ARHGAP42: variants seen among roughly 807,000 people sequenced by gnomAD.
The protein encoded by ARHGAP42 is Rho GTPase activating protein 42, also known as rho GTPase-activating protein 42.
ARHGAP42 carries 63 observed loss-of-function variants against 125.0 expected under a neutral mutation model. The observed-to-expected ratio is 0.50, with a 90% CI of 0.41 to 0.62. The LOEUF (loss-of-function observed/expected upper bound fraction) is 0.62, where lower values mean the gene tolerates loss of function less well. Ranked by LOEUF, ARHGAP42 falls within the 20% of genes least tolerant of loss-of-function variation. The pLI, the probability that ARHGAP42 is intolerant of heterozygous loss-of-function variation, is 0.00. For synonymous variants in ARHGAP42, 339 were observed against 351.0 expected, an observed-to-expected ratio of 0.97 and a Z score of 0.38; for missense variants, 766 against 1,024.2, an observed-to-expected ratio of 0.75 and a Z score of 3.44.
intron 4 of ARHGAP42, among the ~76,000 whole-genome samples, chr11:100,870,864 A>G (rs1865678559): frequency 1.3e-5 from 2 of 152,002 alleles, no homozygotes; most frequent in Admixed American, 1.3e-4. Flanking sequence ...TCTATGTTTA[A>G]TTTTATTCTG....
intron 1 of ARHGAP42, among the ~76,000 whole-genome samples, chr11:100,754,417 A>C (rs1390748798): frequency 6.6e-6 from 1 of 152,222 alleles, no homozygotes; most frequent in African/African-American, 2.4e-5. Flanking sequence ...GATTCTCAGA[A>C]ACCAACTGGT....
chr11:100,794,075 C>CAAAAAAAAAAA (rs869272420), intron 2 of ARHGAP42, among the ~76,000 whole-genome samples: 15 of 44,846 alleles, frequency 3.3e-4, no homozygotes, highest in East Asian at 1.4e-3. Context: ...GACCCTGTCT[C>CAAAAAAAAAAA]AAAAAAAAAA....
At chr11:100,867,109 A>G (rs753039381) in intron 4 of ARHGAP42, among the ~76,000 whole-genome samples, 1 of 152,228 alleles carries the variant, frequency 6.6e-6, no homozygotes, top group Non-Finnish European at 1.5e-5. Flanking sequence ...TAACCTTTCT[A>G]GAGCACAGGC....
intron 4 of ARHGAP42, among the ~76,000 whole-genome samples, chr11:100,883,553 G>T (rs1397392074): frequency 1.3e-5 from 2 of 152,020 alleles, no homozygotes; most frequent in African/African-American, 4.8e-5. Context: ...ATTTTGGCCA[G>T]GCTGATCGTG....
chr11:100,751,367 C>G (rs1862452756), intron 1 of ARHGAP42, among the ~76,000 whole-genome samples: 1 of 150,338 alleles, frequency 6.7e-6, no homozygotes, highest in African/African-American at 2.5e-5. Flanking sequence ...TGTGCAGCCT[C>G]CACCTCCTGG....
rs973326912 is a variant in ARHGAP42 at position 100,917,092 on chromosome 11, C to T, written c.486+3539C>T. On this transcript the variant is annotated intron_variant, in intron 5 of 23. Coordinates refer to ENST00000298815, the MANE Select transcript of ARHGAP42 (RefSeq NM_152432.4). ...TTAAACAGTGGGATTGCAATTCTTA[C>T]TATCTTCACATTTCTCTGTCATAGT... is the stretch of plus-strand genomic sequence containing the variant. Among the ~76,000 whole-genome samples the T allele has an allele frequency of 2.6e-5, 4 of 151,130 alleles. No homozygotes were observed. The East Asian group carries it at 5.8e-4, about 22-fold the overall frequency.
chr11:100,966,483 A>G (rs576541615), intron 17 of ARHGAP42, among the ~76,000 whole-genome samples: 3 of 152,288 alleles, frequency 2.0e-5, no homozygotes, highest in South Asian at 4.1e-4. Context: ...ATCTTGAGAC[A>G]GAATTCCTTC....
At chr11:100,751,681 C>T (rs1489127985) in intron 1 of ARHGAP42, among the ~76,000 whole-genome samples, 3 of 151,418 alleles carry the variant, frequency 2.0e-5, no homozygotes. Flanking sequence ...GGGGGAGCCA[C>T]CTCAGCTCTC....
At chr11:100,928,045 G>A (rs918539953) in intron 6 of ARHGAP42, among the ~76,000 whole-genome samples, 1 of 152,154 alleles carries the variant, frequency 6.6e-6, no homozygotes, top group African/African-American at 2.4e-5. Context: ...AAAGCAATCT[G>A]TAGTCATTTT....
intron 3 of ARHGAP42, among the ~76,000 whole-genome samples, chr11:100,858,727 T>C (rs1325323832): frequency 6.6e-6 from 1 of 152,200 alleles, no homozygotes; most frequent in Non-Finnish European, 1.5e-5. Context: ...TTGCTATTCA[T>C]GTAATAGATT....
At chr11:100,790,923 A>G (rs1208023311) in intron 2 of ARHGAP42, among the ~76,000 whole-genome samples, 1 of 152,246 alleles carries the variant, frequency 6.6e-6, no homozygotes, top group Non-Finnish European at 1.5e-5. Context: ...AATACGAGGT[A>G]TTACAAATTA....
intron 4 of ARHGAP42, among the ~76,000 whole-genome samples, chr11:100,892,856 C>T (rs145414820): frequency 1.1e-3 from 174 of 152,106 alleles, no homozygotes; most frequent in Non-Finnish European, 1.8e-3. Context: ...AAGTATAACC[C>T]GATATACTAA....
intron 17 of ARHGAP42, among the ~76,000 whole-genome samples, chr11:100,969,895 A>G (rs78198120): frequency 0.093 from 14,088 of 152,158 alleles, 939 homozygotes; most frequent in Non-Finnish European, 0.13. Flanking sequence ...TTTTTGGTTG[A>G]AGACATGGCA....
At chr11:100,957,349 T>C (rs1238368984) in intron 12 of ARHGAP42, among the ~76,000 whole-genome samples, 1 of 152,130 alleles carries the variant, frequency 6.6e-6, no homozygotes, top group Non-Finnish European at 1.5e-5. Flanking sequence ...GTTCCATTGT[T>C]AGGCACTCTT....
intron 2 of ARHGAP42, among the ~76,000 whole-genome samples, chr11:100,791,787 A>G (rs1863574144): frequency 1.3e-5 from 2 of 152,138 alleles, no homozygotes; most frequent in Non-Finnish European, 2.9e-5. Context: ...CAGACATGCA[A>G]TTGCTTTTGC....
chr11:100,858,572 T>G (rs749589633), intron 3 of ARHGAP42, among the ~76,000 whole-genome samples: 9 of 152,150 alleles, frequency 5.9e-5, no homozygotes, highest in Non-Finnish European at 1.3e-4. Context: ...GACACTTTTA[T>G]TGAAATGCAC....
rs1858199353 is a variant in ARHGAP42 at position 100,970,070 on chromosome 11, C to T, written c.1551-3105C>T. Among the ~76,000 whole-genome samples the T allele has an allele frequency of 1.3e-5, 2 of 151,914 alleles. 1 individual carries two copies. Among genetic ancestry groups the T allele is most frequent in the Non-Finnish European group, 2.9e-5 (2 of 67,984 alleles). ...GTGGTACAATCTCGGCTCACTGCAA[C>T]CTCTGCCTCTCGGGTTCAAGTGATT... On this transcript the variant is annotated intron_variant, in intron 17 of 23. Coordinates refer to ENST00000298815, the MANE Select transcript of ARHGAP42 (RefSeq NM_152432.4).
At chr11:100,860,373 A>G (rs994146130) in intron 4 of ARHGAP42, among the ~76,000 whole-genome samples, 5 of 151,896 alleles carry the variant, frequency 3.3e-5, no homozygotes, top group Non-Finnish European at 1.5e-5. Flanking sequence ...CTACTAATTG[A>G]TCTCCACACC....
chr11:100,906,876 A>G (rs1245376713), intron 4 of ARHGAP42, among the ~76,000 whole-genome samples: 1 of 152,182 alleles, frequency 6.6e-6, no homozygotes, highest in Non-Finnish European at 1.5e-5. Flanking sequence ...TCCATAGTAC[A>G]CATCTAATAC....
Sources: gnomAD v4.1 joint callset for allele counts (sites outside exome capture counted in the v4.1 genomes callset) on GRCh38, gnomAD v4.1.1 for gene constraint, MANE v1.5 for transcripts, NCBI Gene and HGNC (gene_info 2026-07-23, HGNC 2026-07-21) for gene names.